NRDE2: variants seen among roughly 807,000 people sequenced by gnomAD.
NRDE2 encodes the protein NRDE-2, necessary for RNA interference, domain containing.
Under a neutral mutation model 124.2 loss-of-function variants are expected in NRDE2, and 76 were observed. The ratio of observed to expected loss-of-function variants is 0.61; its 90% confidence interval spans 0.51 to 0.74. The LOEUF (loss-of-function observed/expected upper bound fraction) is 0.74. Ranked by LOEUF, NRDE2 falls within the 30% of genes least tolerant of loss-of-function variation. NRDE2 has a pLI of 0.00. For missense variants in NRDE2, 1,314 were observed against 1,417.3 expected, an observed-to-expected ratio of 0.93 and a Z score of 1.17; for synonymous variants, 489 against 528.1, an observed-to-expected ratio of 0.93 and a Z score of 1.01.
chr14:90,304,433 C>T, intron 4 of NRDE2, 51 bp from the exon 5 acceptor site: 1 of 1,393,194 alleles, frequency 7.2e-7, no homozygotes, highest in South Asian at 1.4e-5. Flanking sequence ...TGTACTACCT[C>T]TGAATGACTA....
intron 1 of NRDE2, among the ~76,000 whole-genome samples, chr14:90,330,807 CAAA>C (rs56298487): frequency 2.6e-4 from 32 of 123,128 alleles, no homozygotes; most frequent in Admixed American, 3.2e-4. Flanking sequence ...GACCCTGTCT[CAAA>C]AAAAAAAAAA....
chr14:90,307,100 A>G (rs969758015), intron 4 of NRDE2, among the ~76,000 whole-genome samples: 4 of 152,212 alleles, frequency 2.6e-5, no homozygotes, highest in Admixed American at 6.5e-5. Flanking sequence ...CTACTTTCAG[A>G]CACTATATGT....
At position 90,278,240 on chromosome 14, in the gene NRDE2, G is replaced by A. The variant is rs569231325; in HGVS notation, c.*96C>T. On this transcript the variant is annotated 3_prime_UTR_variant, in exon 14 of 14. Transcript: ENST00000354366. ...ATCGAGAAAGAACATTTCAAAAGCC[G>A]AGTTCTCCTAACACACACGTTCTCT... 348 of 1,439,292 alleles carry A rather than the reference G, an allele frequency of 2.4e-4. No homozygotes were observed. Among genetic ancestry groups the A allele is most frequent in the Middle Eastern group, 5.7e-4 (3 of 5,264 alleles). The allele number at this position is 1,439,292 out of a possible 1,614,324, so 89.2% of individuals were successfully genotyped here. A position where few individuals can be genotyped will look rare whatever the true frequency, so the allele number is the denominator to read the frequency against.
chr14:90,315,200 A>G (rs959765084), intron 3 of NRDE2, among the ~76,000 whole-genome samples: 3 of 149,368 alleles, frequency 2.0e-5, no homozygotes, highest in Non-Finnish European at 4.5e-5. Context: ...AAAAAAAAAA[A>G]AAAAAGCTTG....
chr14:90,303,565 G>A (rs935119225), intron 5 of NRDE2, among the ~76,000 whole-genome samples: 1 of 152,150 alleles, frequency 6.6e-6, no homozygotes, highest in African/African-American at 2.4e-5. Flanking sequence ...AATTCCGTGA[G>A]CTCTGCCTGT....
At chr14:90,292,336 C>T (rs865784509) in intron 9 of NRDE2, among the ~76,000 whole-genome samples, 3 of 152,146 alleles carry the variant, frequency 2.0e-5, no homozygotes, top group Admixed American at 6.5e-5. Context: ...ACAGTGATTC[C>T]GAGTTTTTTG....
In NRDE2 at chr14:90,302,975, C is replaced by A. The variant is rs1464948333; in HGVS notation, c.1156G>T (p.Ala386Ser). Residue 386 changes from alanine to serine, a missense_variant, in exon 6 of 14, where the codon GCC becomes TCC. Coordinates refer to ENST00000354366, the MANE Select transcript of NRDE2 (RefSeq NM_017970.4). ...SNQSSVDLKL[A>S]KLKLCTEFWE... ...AACTCTGTGCAGAGCTTCAGCTTGG[C>A]CAGTTTCAGATCCACACTGCTCTGG... 5 of 1,613,984 alleles carry A rather than the reference C, an allele frequency of 3.1e-6. 2 individuals are homozygous for A. In the South Asian group the frequency reaches 5.5e-5, roughly 18 times the overall value.
At position 90,287,255 on chromosome 14, in the gene NRDE2, A is replaced by G. The variant is rs1334293320; in HGVS notation, c.3159-763T>C. Among the ~76,000 whole-genome samples the G allele has an allele frequency of 2.6e-5, 4 of 152,106 alleles. No individual in the cohort carries two copies. The East Asian group carries it at 7.7e-4, about 29-fold the overall frequency. On this transcript the variant is annotated intron_variant, in intron 11 of 13. Transcript: ENST00000354366. Reference sequence around the variant, plus strand: ...TAAGGTCAGAGTGAAGCAACAGCAAAGATTCTGGGAAAACAATGATGCCTA... The same window carrying G: ...TAAGGTCAGAGTGAAGCAACAGCAAGGATTCTGGGAAAACAATGATGCCTA...
intron 6 of NRDE2, 52 bp from the exon 7 acceptor site, chr14:90,301,424 A>G (rs769748978): frequency 1.9e-6 from 3 of 1,578,250 alleles, no homozygotes; most frequent in Non-Finnish European, 2.6e-6. Flanking sequence ...CGTTAAAGGG[A>G]AAGAACCTAA....
intron 7 of NRDE2, among the ~76,000 whole-genome samples, chr14:90,299,908 C>T (rs1392142499): frequency 6.6e-6 from 1 of 152,172 alleles, no homozygotes; most frequent in East Asian, 1.9e-4. Flanking sequence ...TTAAATCACG[C>T]TACTGTGTTC....
intron 12 of NRDE2, among the ~76,000 whole-genome samples, chr14:90,285,270 TAAAA>T (rs796590562): frequency 9.4e-6 from 1 of 106,044 alleles, no homozygotes; most frequent in African/African-American, 3.6e-5. Flanking sequence ...GACCTTGTCT[TAAAA>T]AAAAAAAAAA....
chr14:90,301,052 C>T (rs1270420478), intron 7 of NRDE2, among the ~76,000 whole-genome samples, 187 bp downstream of exon 7: 1 of 151,202 alleles, frequency 6.6e-6, no homozygotes, highest in Non-Finnish European at 1.5e-5. Context: ...CAAAACTTTC[C>T]TCAGATCACT....
At chr14:90,287,911 T>G (rs1452230287) in intron 11 of NRDE2, among the ~76,000 whole-genome samples, 1 of 152,150 alleles carries the variant, frequency 6.6e-6, no homozygotes, top group Non-Finnish European at 1.5e-5. Flanking sequence ...CATCAGGCTT[T>G]CGTGACGGCT....
intron 12 of NRDE2, among the ~76,000 whole-genome samples, chr14:90,283,947 G>A (rs1345715163): frequency 3.9e-5 from 6 of 152,074 alleles, no homozygotes; most frequent in Admixed American, 2.0e-4. Flanking sequence ...TCCTGACCTC[G>A]TGATCCGCCC....
chr14:90,277,862 A>G lies in NRDE2; in HGVS notation c.*474T>C. 1 of 156,976 alleles carries G rather than the reference A, an allele frequency of 6.4e-6. No individual in the cohort carries two copies. Among genetic ancestry groups the G allele is most frequent in the Non-Finnish European group, 1.4e-5 (1 of 70,680 alleles). 9.7% of individuals were successfully genotyped at this position (156,976 alleles called of 1,614,324 possible). ...CGTGCAGGCCAGAACACCAAGCGTT[A>G]ACTGCGGGTCTCAACACAAGAGCAA... On this transcript the variant is annotated 3_prime_UTR_variant, in exon 14 of 14. Coordinates refer to ENST00000354366, the MANE Select transcript of NRDE2 (RefSeq NM_017970.4).
chr14:90,312,417 A>T lies in NRDE2; in HGVS notation c.534T>A (p.Ser178=). ...KPDPANWEYK[S]LYRGDIARYK... ...ACCTTGCTATATCCCCTCGGTAGAG[A>T]GACTTGTACTCCCAGTTCGCAGGAT... is the stretch of plus-strand genomic sequence containing the variant. Residue 178 remains serine (S), a synonymous_variant, in exon 4 of 14, where the codon TCT becomes TCA. Coordinates refer to ENST00000354366, the MANE Select transcript of NRDE2 (RefSeq NM_017970.4). 6.2e-7 allele frequency: 1 copy of T among 1,613,972 alleles called. No individual in the cohort carries two copies. Among genetic ancestry groups the T allele is most frequent in the Non-Finnish European group, 8.5e-7 (1 of 1,179,972 alleles).
chr14:90,297,503 T>C (rs577661361), intron 8 of NRDE2, among the ~76,000 whole-genome samples: 1 of 152,276 alleles, frequency 6.6e-6, no homozygotes, highest in Non-Finnish European at 1.5e-5. Context: ...GGAAAGTATT[T>C]GGGGGTCATT....
chr14:90,270,489 A>G lies in NRDE2; in HGVS notation c.*7847T>C. The G allele has an allele frequency of 1.0e-6, 1 of 963,370 alleles. No homozygotes were observed. Among genetic ancestry groups the G allele is most frequent in the Non-Finnish European group, 1.5e-6 (1 of 677,116 alleles). 59.7% of individuals were successfully genotyped at this position (963,370 alleles called of 1,614,324 possible). The stretch of plus-strand genomic sequence containing the variant: ...TTAATCATCATATTGGTTTACGATT[A>G]CATCCAAATGGTATATGTGCTTGAT... On this transcript the variant is annotated 3_prime_UTR_variant, in exon 14 of 14. Coordinates refer to ENST00000354366, the MANE Select transcript of NRDE2 (RefSeq NM_017970.4).
intron 1 of NRDE2, among the ~76,000 whole-genome samples, chr14:90,325,326 T>C (rs1885384874): frequency 6.6e-6 from 1 of 152,186 alleles, no homozygotes; most frequent in Non-Finnish European, 1.5e-5. Context: ...AGCAACAATG[T>C]TCTAGGGTAC....
Sources: allele counts gnomAD v4.1 joint callset (sites outside exome capture counted in the v4.1 genomes callset), GRCh38; gene constraint gnomAD v4.1.1; transcripts MANE v1.5; gene names NCBI Gene and HGNC (gene_info 2026-07-23, HGNC 2026-07-21).